PRKN: variants seen among roughly 807,000 people sequenced by gnomAD.
PRKN encodes parkin RBR E3 ubiquitin protein ligase.
A neutral mutation model predicts 59.5 loss-of-function variants in PRKN; 56 were observed. The observed-to-expected ratio is 0.94, with a 90% confidence interval of 0.76 to 1.18. The LOEUF (loss-of-function observed/expected upper bound fraction) is 1.18, where lower values mean the gene tolerates loss of function less well. Among genes scored for constraint, PRKN ranks in the 50% most tolerant of loss-of-function variants. The pLI is 0.00. For missense variants in PRKN, 657 were observed against 596.4 expected, an observed-to-expected ratio of 1.10 and a Z score of -1.06; for synonymous variants, 250 against 222.1, an observed-to-expected ratio of 1.13 and a Z score of -1.12.
intron 7 of PRKN, among the ~76,000 whole-genome samples, chr6:161,702,331 C>T (rs1273218675): frequency 1.3e-5 from 2 of 152,164 alleles, no homozygotes; most frequent in Admixed American, 1.3e-4. Context: ...AGCAGCCCAT[C>T]CATACAATGG....
intron 10 of PRKN, among the ~76,000 whole-genome samples, chr6:161,368,424 G>A (rs1785311750): frequency 8.7e-6 from 1 of 114,792 alleles, no homozygotes; most frequent in Non-Finnish European, 1.8e-5. Flanking sequence ...GCCTGGTGGC[G>A]CACACATATA....
chr6:162,696,781 AGGGATCCATCTACCTC>A (rs1320505772), intron 1 of PRKN, among the ~76,000 whole-genome samples: 1 of 151,776 alleles, frequency 6.6e-6, no homozygotes, highest in East Asian at 1.9e-4. Context: ...CTTGGGCTCG[AGGGATCCATCTACCTC>A]GGCCTCCCAA....
At chr6:162,519,085 G>A (rs1777981240) in intron 1 of PRKN, among the ~76,000 whole-genome samples, 2 of 152,052 alleles carry the variant, frequency 1.3e-5, no homozygotes, top group African/African-American at 2.4e-5. Flanking sequence ...CAGGAGAATC[G>A]CTTGAACCCG....
chr6:162,622,534 T>G lies in PRKN; in HGVS notation c.7+105128A>C, dbSNP rs1231054643. ...TTAATTAGACACCTTTTTAAAAGTT[T>G]CTGGTAATCCCTGAATTGTACATGA... On this transcript the variant is annotated intron_variant, in intron 1 of 11. Transcript: ENST00000366898. Among the ~76,000 whole-genome samples, 3 of 152,296 alleles carry G rather than the reference T, an allele frequency of 2.0e-5. No homozygotes were observed. In the East Asian group the frequency reaches 5.8e-4, roughly 29 times the overall value.
intron 1 of PRKN, among the ~76,000 whole-genome samples, chr6:162,611,342 C>T (rs1013560683): frequency 6.6e-6 from 1 of 152,142 alleles, no homozygotes; most frequent in Non-Finnish European, 1.5e-5. Flanking sequence ...CTACAATGTG[C>T]TGATCTTATT....
chr6:162,279,624 C>G (rs191053221), intron 2 of PRKN, among the ~76,000 whole-genome samples: 3 of 152,202 alleles, frequency 2.0e-5, no homozygotes, highest in Admixed American at 1.3e-4. Flanking sequence ...AATTTTAGAA[C>G]AAGTGCTATG....
chr6:162,269,312 C>T (rs565245536), intron 2 of PRKN, among the ~76,000 whole-genome samples: 1 of 152,270 alleles, frequency 6.6e-6, no homozygotes, highest in South Asian at 2.1e-4. Context: ...ATAAAACACA[C>T]TCCCCTGTGT....
Position 161,483,165 on chromosome 6 carries a change from A to G in PRKN, c.1083+65689T>C, listed in dbSNP as rs1791491239. ...TCTTTCCGGCTCGTGACAACTAACA[A>G]TTGTGTTTCAAAAAAAAAAAAAAAA... On this transcript the variant is annotated intron_variant, in intron 9 of 11. Coordinates refer to ENST00000366898, the MANE Select transcript of PRKN (RefSeq NM_004562.3). The surrounding 1 kb of genome is among the most constrained non-coding windows in gnomAD (Gnocchi z 5.0). Among the ~76,000 whole-genome samples the G allele has an allele frequency of 8.3e-6, 1 of 120,724 alleles. No individual in the cohort carries two copies. Among genetic ancestry groups the G allele is most frequent in the Admixed American group, 8.8e-5 (1 of 11,384 alleles). The allele number at this position is 120,724 out of a possible 152,430, so 79.2% of individuals were successfully genotyped here.
chr6:162,068,558 C>T (rs1394369901), intron 4 of PRKN, among the ~76,000 whole-genome samples: 1 of 152,184 alleles, frequency 6.6e-6, no homozygotes. Flanking sequence ...TTGCAGCTGT[C>T]ATTACAAGGG....
chr6:162,691,700 A>G (rs1353374275), intron 1 of PRKN, among the ~76,000 whole-genome samples: 4 of 152,196 alleles, frequency 2.6e-5, no homozygotes, highest in Admixed American at 2.6e-4. Flanking sequence ...TCTCATACTC[A>G]TGCACGATTC....
intron 6 of PRKN, among the ~76,000 whole-genome samples, chr6:161,848,776 T>C (rs982249416): frequency 2.6e-5 from 4 of 152,210 alleles, no homozygotes; most frequent in Admixed American, 2.0e-4. Context: ...CCATAGAGGA[T>C]ATGTGAAACG....
At chr6:162,301,531 G>A (rs1165661075) in intron 2 of PRKN, among the ~76,000 whole-genome samples, 2 of 152,076 alleles carry the variant, frequency 1.3e-5, no homozygotes, top group Admixed American at 1.3e-4. Context: ...AAAGTATCTG[G>A]ACGTTTGGTT....
At chr6:161,671,952 C>T (rs943320893) in intron 7 of PRKN, among the ~76,000 whole-genome samples, 4 of 152,146 alleles carry the variant, frequency 2.6e-5, no homozygotes, top group Admixed American at 1.3e-4. Context: ...TGGTAGCCGA[C>T]GCTTCTGGAA....
At chr6:161,634,197 C>T (rs1783427664) in intron 7 of PRKN, among the ~76,000 whole-genome samples, 1 of 152,128 alleles carries the variant, frequency 6.6e-6, no homozygotes. Flanking sequence ...AAGCACATCC[C>T]CTTGTCGGCC....
At chr6:162,665,550 A>G (rs1333685594) in intron 1 of PRKN, among the ~76,000 whole-genome samples, 1 of 152,162 alleles carries the variant, frequency 6.6e-6, no homozygotes, top group African/African-American at 2.4e-5. Context: ...AAACAAATGG[A>G]AAAATATTCT....
intron 4 of PRKN, among the ~76,000 whole-genome samples, chr6:162,165,220 A>G (rs1224079247): frequency 6.7e-6 from 1 of 148,928 alleles, no homozygotes; most frequent in African/African-American, 2.5e-5. Context: ...AAAACTATGG[A>G]GCTTCTGGAA....
In PRKN at chr6:161,973,352, C is replaced by T. The variant is rs1562430312; in HGVS notation, c.684G>A (p.Leu228=). ...SDKETSVALH[L]IATNSRNITC... is the part of the protein sequence containing the mutation. ...TGATGTTCCGACTATTTGTTGCGAT[C>T]AGGTGCAAAGCTACTGATGTTTCCT... is the stretch of plus-strand genomic sequence containing the variant. Residue 228 remains leucine (L), a synonymous_variant, in exon 6 of 12, where the codon CTG becomes CTA. Transcript: ENST00000366898. The T allele has an allele frequency of 3.1e-6, 5 of 1,614,006 alleles. No individual in the cohort carries two copies. Among genetic ancestry groups the T allele is most frequent in the Non-Finnish European group, 4.2e-6 (5 of 1,179,882 alleles).
Position 161,484,023 on chromosome 6 carries a change from G to T in PRKN, c.1083+64831C>A, listed in dbSNP as rs1032683849. 6.6e-6 allele frequency among the ~76,000 whole-genome samples: 1 copy of T among 152,068 alleles called. No homozygotes were observed. The highest frequency in any genetic ancestry group is 1.5e-5 in the Non-Finnish European group (1 of 68,018). On this transcript the variant is annotated intron_variant, in intron 9 of 11. Coordinates refer to ENST00000366898, the MANE Select transcript of PRKN (RefSeq NM_004562.3). The surrounding 1 kb of genome is among the most constrained non-coding windows in gnomAD (Gnocchi z 4.9). ...GGAACAACACACACTGGGGCCTGCT[G>T]GGGGGTTGTGGGGAGGGAGAGCATC...
intron 7 of PRKN, among the ~76,000 whole-genome samples, chr6:161,609,436 A>G (rs1782407866): frequency 6.6e-6 from 1 of 152,190 alleles, no homozygotes; most frequent in Non-Finnish European, 1.5e-5. Context: ...ATGGCATCTT[A>G]ATAACTATTT....
Sources: allele counts gnomAD v4.1 joint callset (sites outside exome capture counted in the v4.1 genomes callset), GRCh38; gene constraint gnomAD v4.1.1; non-coding constraint Gnocchi (gnomAD v3.1); transcripts MANE v1.5; gene names NCBI Gene and HGNC (gene_info 2026-07-23, HGNC 2026-07-21).